AQP8: variants seen among roughly 807,000 people sequenced by gnomAD.
AQP8 encodes the protein aquaporin 8, also known as aquaporin-8.
Under a neutral mutation model 26.1 loss-of-function variants are expected in AQP8, and 14 were observed. That is an observed-to-expected ratio of 0.54 (90% CI 0.35 to 0.84). The LOEUF (loss-of-function observed/expected upper bound fraction) is 0.84, where lower values mean the gene tolerates loss of function less well. AQP8 is among the 40% of genes least tolerant of loss of function. The pLI is 0.01. For missense variants in AQP8, 301 were observed against 340.5 expected, an observed-to-expected ratio of 0.88 and a Z score of 0.91; for synonymous variants, 131 against 150.7, an observed-to-expected ratio of 0.87 and a Z score of 0.96.
At chr16:25,217,152 G>A in intron 1 of AQP8, 46 bp from the exon 2 acceptor site, 1 of 1,613,278 alleles carries the variant, frequency 6.2e-7, no homozygotes, top group Non-Finnish European at 8.5e-7. Context: ...TCTATATCTG[G>A]ACTTGCCTCC....
intron 4 of AQP8, among the ~76,000 whole-genome samples, chr16:25,225,548 A>G (rs1017196054): frequency 6.6e-6 from 1 of 151,222 alleles, no homozygotes. Context: ...CTGGGACTAC[A>G]GGCGTCCGCC....
At chr16:25,227,763 T>C (rs999255893) in intron 5 of AQP8, among the ~76,000 whole-genome samples, 1 of 151,820 alleles carries the variant, frequency 6.6e-6, no homozygotes, top group Non-Finnish European at 1.5e-5. Context: ...GCTAGGATTA[T>C]AGGCATGAGC....
In AQP8 at chr16:25,216,978, C is replaced by T; in HGVS notation, c.-68C>T. On this transcript the variant is annotated 5_prime_UTR_variant, in exon 1 of 6. Transcript: ENST00000219660. ...TCCTGTCCCTAGGAGATAAGAGTAT[C>T]TTGCACAGCAGGTGCAGGTTTCCCA... 2 of 1,608,586 alleles carry T rather than the reference C, an allele frequency of 1.2e-6. No homozygotes were observed. Among genetic ancestry groups the T allele is most frequent in the South Asian group, 2.2e-5 (2 of 90,848 alleles).
At chr16:25,224,006 T>C (rs1354816045) in intron 3 of AQP8, among the ~76,000 whole-genome samples, 2 of 152,118 alleles carry the variant, frequency 1.3e-5, no homozygotes, top group Non-Finnish European at 1.5e-5. Context: ...TTTGTATTTG[T>C]AGTGGAGATG....
intron 5 of AQP8, 146 bp from the exon 6 acceptor site, chr16:25,228,298 G>C (rs1459637985): frequency 1.4e-5 from 9 of 656,624 alleles, no homozygotes; most frequent in Non-Finnish European, 2.1e-5. Context: ...GCAGGAAACT[G>C]TCTCTCTCTC....
At position 25,228,904 on chromosome 16, in the gene AQP8, T is replaced by C. The variant is rs2141350075; in HGVS notation, c.*412T>C. ...CTTCTCAAGCTGACAATTCTCACTT[T>C]GCAATAAATAGTCCAGTGTTTCCTT... On this transcript the variant is annotated 3_prime_UTR_variant, in exon 6 of 6. Coordinates refer to ENST00000219660, the MANE Select transcript of AQP8 (RefSeq NM_001169.3). The C allele has an allele frequency of 5.8e-6, 1 of 171,242 alleles. No individual in the cohort carries two copies. Among genetic ancestry groups the C allele is most frequent in the East Asian group, 1.6e-4 (1 of 6,122 alleles). The allele number at this position is 171,242 out of a possible 1,614,324, so 10.6% of individuals were successfully genotyped here. A position where few individuals can be genotyped will look rare whatever the true frequency, so the allele number is the denominator to read the frequency against.
intron 2 of AQP8, 86 bp downstream of exon 2, chr16:25,217,531 G>T: frequency 6.5e-7 from 1 of 1,534,892 alleles, no homozygotes; most frequent in Non-Finnish European, 8.8e-7. Flanking sequence ...ACCCCTGGGC[G>T]CATACGTATT....
In AQP8 at chr16:25,217,347, G is replaced by C; in HGVS notation, c.162G>C (p.Leu54=). The C allele has an allele frequency of 6.2e-7, 1 of 1,614,172 alleles. No homozygotes were observed. The highest frequency in any genetic ancestry group is 1.1e-5 in the South Asian group (1 of 91,086). ...CTCTCTTCATCTTCATCGGGTGCCT[G>C]TCGGTCATTGAGAATGGGACGGACA... ...GSALFIFIGC[L]SVIENGTDTG... is the part of the protein sequence containing the mutation. The change falls in exon 2 of 6, where the codon CTG becomes CTC. Residue 54 remains leucine, a synonymous_variant. Transcript: ENST00000219660.
At position 25,217,624 on chromosome 16, in the gene AQP8, T is replaced by C. The variant is rs886911749; in HGVS notation, c.260+179T>C. 3.9e-5 allele frequency among the ~76,000 whole-genome samples: 6 copies of C among 152,258 alleles called. No homozygotes were observed. In the South Asian group the frequency reaches 1.2e-3, roughly 31 times the overall value. On this transcript the variant is annotated intron_variant, in intron 2 of 5. Coordinates refer to ENST00000219660, the MANE Select transcript of AQP8 (RefSeq NM_001169.3). ...CTCCAGACCCCGCAGCCTGTGAGCT[T>C]GTGACTTTGAGCAAGTCATTCTCTT... is the stretch of plus-strand genomic sequence containing the variant.
At chr16:25,223,172 T>A (rs1199372842) in intron 3 of AQP8, among the ~76,000 whole-genome samples, 1 of 152,220 alleles carries the variant, frequency 6.6e-6, no homozygotes, top group Non-Finnish European at 1.5e-5. Flanking sequence ...GCAGGTAACT[T>A]GCTCAAGTTC....
intron 2 of AQP8, among the ~76,000 whole-genome samples, chr16:25,219,202 T>C (rs1962525384): frequency 6.6e-6 from 1 of 151,424 alleles, no homozygotes; most frequent in African/African-American, 2.4e-5. Flanking sequence ...CACAGAGAGG[T>C]TATGTAACTT....
At chr16:25,217,160 T>C (rs1262142878) in intron 1 of AQP8, 38 bp from the exon 2 acceptor site, 1 of 1,613,246 alleles carries the variant, frequency 6.2e-7, no homozygotes, top group East Asian at 2.2e-5. Context: ...TGGACTTGCC[T>C]CCCACCCGTG....
intron 3 of AQP8, among the ~76,000 whole-genome samples, chr16:25,224,061 T>C (rs1567344414): frequency 1.3e-5 from 2 of 152,156 alleles, no homozygotes; most frequent in South Asian, 4.1e-4. Context: ...TCCTGGGCTC[T>C]AGTGACCCAC....
chr16:25,219,019 T>C (rs1368104137), intron 2 of AQP8, among the ~76,000 whole-genome samples: 2 of 151,558 alleles, frequency 1.3e-5, no homozygotes, highest in East Asian at 3.8e-4. Context: ...TATCACTTCT[T>C]AGCAGGGTGA....
At chr16:25,222,366 A>T (rs906780298) in intron 3 of AQP8, among the ~76,000 whole-genome samples, 1 of 151,982 alleles carries the variant, frequency 6.6e-6, no homozygotes, top group African/African-American at 2.4e-5. Flanking sequence ...AAAAATAAAT[A>T]AATTAAAAAA....
In AQP8 at chr16:25,227,101, C is replaced by T. The variant is rs1309828463; in HGVS notation, c.636C>T (p.Ala212=). The change falls in exon 5 of 6, where the codon GCC becomes GCT. Residue 212 remains alanine (A), a synonymous_variant. Coordinates refer to ENST00000219660, the MANE Select transcript of AQP8 (RefSeq NM_001169.3). ...TGTCTGGAGGCTGCATGAATCCCGC[C>T]CGTGCTTTTGGACCTGCGGTGGTGG... ...GPVSGGCMNP[A]RAFGPAVVAN... 35 of 1,614,024 alleles carry T rather than the reference C, an allele frequency of 2.2e-5. No homozygotes were observed. Among genetic ancestry groups the T allele is most frequent in the Non-Finnish European group, 2.9e-5 (34 of 1,180,038 alleles).
intron 1 of AQP8, 55 bp downstream of exon 1, chr16:25,217,112 G>A (rs915266213): frequency 6.2e-7 from 1 of 1,613,716 alleles, no homozygotes; most frequent in South Asian, 1.1e-5. Flanking sequence ...GGGGGGCTGT[G>A]AATTAATTCA....
At position 25,228,900 on chromosome 16, in the gene AQP8, A is replaced by C. The variant is rs1962672345; in HGVS notation, c.*408A>C. On this transcript the variant is annotated 3_prime_UTR_variant, in exon 6 of 6. Coordinates refer to ENST00000219660, the MANE Select transcript of AQP8 (RefSeq NM_001169.3). ...CTTGCTTCTCAAGCTGACAATTCTCACTTTGCAATAAATAGTCCAGTGTTT... is the reference window on the plus strand; with the variant it reads ...CTTGCTTCTCAAGCTGACAATTCTCCCTTTGCAATAAATAGTCCAGTGTTT... 2 of 171,084 alleles carry C rather than the reference A, an allele frequency of 1.2e-5. No individual in the cohort carries two copies. The highest frequency in any genetic ancestry group is 2.4e-5 in the African/African-American group (1 of 42,050). 10.6% of individuals were successfully genotyped at this position (171,084 alleles called of 1,614,324 possible).
At position 25,227,106 on chromosome 16, in the gene AQP8, C is replaced by T. The variant is rs747650236; in HGVS notation, c.641C>T (p.Ala214Val). The change falls in exon 5 of 6, where the codon GCT becomes GTT. Residue 214 changes from alanine to valine, a missense_variant. By Grantham distance (64) the Ala-to-Val change is moderately conservative. Transcript: ENST00000219660. ...VSGGCMNPAR[A>V]FGPAVVANHW... is the part of the protein sequence containing the mutation. Reference sequence around the variant, plus strand: ...GGAGGCTGCATGAATCCCGCCCGTGCTTTTGGACCTGCGGTGGTGGCCAAC... The same window carrying T: ...GGAGGCTGCATGAATCCCGCCCGTGTTTTTGGACCTGCGGTGGTGGCCAAC... The T allele has an allele frequency of 1.2e-6, 2 of 1,614,120 alleles. No individual in the cohort carries two copies. Among genetic ancestry groups the T allele is most frequent in the East Asian group, 4.5e-5 (2 of 44,878 alleles).
Sources: allele counts gnomAD v4.1 joint callset (sites outside exome capture counted in the v4.1 genomes callset), GRCh38; gene constraint gnomAD v4.1.1; transcripts MANE v1.5; gene names NCBI Gene and HGNC (gene_info 2026-07-23, HGNC 2026-07-21).